CACNA2D3: variants seen among roughly 807,000 people sequenced by gnomAD.
The protein encoded by CACNA2D3 is voltage-dependent calcium channel subunit alpha-2/delta-3.
In CACNA2D3, 60 loss-of-function variants were observed where a neutral mutation model predicts 160.6. The ratio of observed to expected loss-of-function variants is 0.37; its 90% CI spans 0.30 to 0.46. The LOEUF is 0.46. Among genes scored for constraint, CACNA2D3 ranks in the 20% least tolerant of loss-of-function variants. The pLI, the probability that CACNA2D3 is intolerant of heterozygous loss-of-function variation, is 1.00. For missense variants in CACNA2D3, 1,205 were observed against 1,365.0 expected, an observed-to-expected ratio of 0.88 and a Z score of 1.85; for synonymous variants, 558 against 492.9, an observed-to-expected ratio of 1.13 and a Z score of -1.75.
At chr3:54,471,171 C>A (rs1030455269) in intron 4 of CACNA2D3, among the ~76,000 whole-genome samples, 1 of 152,156 alleles carries the variant, frequency 6.6e-6, no homozygotes, top group Non-Finnish European at 1.5e-5. Flanking sequence ...TAAAACACTC[C>A]TCAGCAAATG....
chr3:54,879,025 A>T lies in CACNA2D3; in HGVS notation c.1718A>T (p.Asn573Ile). ...TTTCTTTTATCATTTTAGTTGAGAAATGCTATGGTGAATCGAAAGACGGGG... is the reference window on the plus strand; with the variant it reads ...TTTCTTTTATCATTTTAGTTGAGAATTGCTATGGTGAATCGAAAGACGGGG... Reference protein sequence around the residue: ...EWEDRDDVLRNAMVNRKTGKF... With the variant: ...EWEDRDDVLRIAMVNRKTGKF... Residue 573 changes from asparagine (N) to isoleucine (I), a missense_variant, in exon 19 of 38, where the codon AAT becomes ATT. Coordinates refer to ENST00000474759, the MANE Select transcript of CACNA2D3 (RefSeq NM_018398.3). The T allele has an allele frequency of 6.2e-7, 1 of 1,600,674 alleles. No homozygotes were observed. Among genetic ancestry groups the T allele is most frequent in the Non-Finnish European group, 8.5e-7 (1 of 1,173,548 alleles).
At chr3:54,674,899 T>C (rs1417455267) in intron 11 of CACNA2D3, among the ~76,000 whole-genome samples, 1 of 152,076 alleles carries the variant, frequency 6.6e-6, no homozygotes, top group East Asian at 1.9e-4. Context: ...GACACCATTA[T>C]TGAGAGAGAT....
chr3:54,798,429 AG>A (rs1702915215), intron 13 of CACNA2D3, among the ~76,000 whole-genome samples: 1 of 152,094 alleles, frequency 6.6e-6, no homozygotes, highest in Admixed American at 6.6e-5. Flanking sequence ...CCAGCTACTC[AG>A]GAGGCTGAGG....
chr3:54,640,664 A>G (rs73068450), intron 10 of CACNA2D3, among the ~76,000 whole-genome samples: 1 of 152,352 alleles, frequency 6.6e-6, no homozygotes, highest in Non-Finnish European at 1.5e-5. Context: ...ACTAATATGT[A>G]AGTTTACATG....
rs138721132 is a variant in CACNA2D3 at position 54,290,245 on chromosome 3, G to A, written c.205-30197G>A. Among the ~76,000 whole-genome samples, 344 of 152,260 alleles carry A rather than the reference G, an allele frequency of 2.3e-3. 4 individuals carry two copies. Among genetic ancestry groups the A allele is most frequent in the African/African-American group, 7.2e-3 (298 of 41,546 alleles). ...CAAACAGCCCCATCAGAAAGTGGGCGAAGGATATGAACAGACCCTTCTGAA... is the reference window on the plus strand; with the variant it reads ...CAAACAGCCCCATCAGAAAGTGGGCAAAGGATATGAACAGACCCTTCTGAA... On this transcript the variant is annotated intron_variant, in intron 2 of 37. Transcript: ENST00000474759.
intron 5 of CACNA2D3, among the ~76,000 whole-genome samples, chr3:54,548,818 A>G (rs766907595): frequency 2.5e-4 from 38 of 152,188 alleles, no homozygotes; most frequent in Admixed American, 1.3e-4. Context: ...GCCGACTTCA[A>G]ATTCCCACTG....
intron 2 of CACNA2D3, among the ~76,000 whole-genome samples, chr3:54,126,511 A>G (rs1442658842): frequency 6.6e-6 from 1 of 152,234 alleles, no homozygotes; most frequent in East Asian, 1.9e-4. Context: ...TAGGTATTCA[A>G]TGCCAGATAG....
chr3:54,463,118 G>A (rs1575469412), intron 4 of CACNA2D3, among the ~76,000 whole-genome samples: 1 of 151,838 alleles, frequency 6.6e-6, no homozygotes, highest in Non-Finnish European at 1.5e-5. Context: ...CTCTCTTCTG[G>A]CTTGTAGAGT....
At chr3:54,124,730 A>G (rs555741876) in intron 2 of CACNA2D3, among the ~76,000 whole-genome samples, 72 of 152,344 alleles carry the variant, frequency 4.7e-4, no homozygotes, top group Middle Eastern at 3.4e-3. Flanking sequence ...GACAAAAGTT[A>G]TTATGGTTTA....
At chr3:54,589,356 C>CTCAAA in intron 9 of CACNA2D3, among the ~76,000 whole-genome samples, 1 of 152,132 alleles carries the variant, frequency 6.6e-6, no homozygotes, top group East Asian at 1.9e-4. Flanking sequence ...TTAACCTTGA[C>CTCAAA]TCAAACCTCA....
intron 3 of CACNA2D3, among the ~76,000 whole-genome samples, chr3:54,322,982 G>A (rs527761415): frequency 6.6e-6 from 1 of 152,084 alleles, no homozygotes; most frequent in Admixed American, 6.5e-5. Context: ...CTGTAATTAC[G>A]CTTGATGCTC....
intron 8 of CACNA2D3, among the ~76,000 whole-genome samples, chr3:54,576,375 C>T (rs1252630791): frequency 6.6e-6 from 1 of 152,138 alleles, no homozygotes; most frequent in African/African-American, 2.4e-5. Context: ...GGGTCTAGCC[C>T]ATTTGCATTG....
At chr3:55,062,725 T>G (rs972385159) in intron 35 of CACNA2D3, among the ~76,000 whole-genome samples, 2 of 152,186 alleles carry the variant, frequency 1.3e-5, no homozygotes, top group African/African-American at 4.8e-5. Context: ...CTTATTTGTT[T>G]TGTTTATGGC....
intron 27 of CACNA2D3, among the ~76,000 whole-genome samples, chr3:54,939,436 T>C (rs1184962484): frequency 1.3e-5 from 2 of 152,168 alleles, no homozygotes; most frequent in South Asian, 4.1e-4. Context: ...TCCCCTGGCA[T>C]GTGGAGAAAT....
At chr3:54,250,263 C>T (rs187253033) in intron 2 of CACNA2D3, among the ~76,000 whole-genome samples, 21 of 152,076 alleles carry the variant, frequency 1.4e-4, no homozygotes, top group East Asian at 3.9e-4. Context: ...TATTATCTAC[C>T]GGACAGTTGA....
intron 5 of CACNA2D3, among the ~76,000 whole-genome samples, chr3:54,529,379 A>G (rs1397883375): frequency 6.6e-6 from 1 of 152,150 alleles, no homozygotes; most frequent in Non-Finnish European, 1.5e-5. Context: ...GCCTCGGACA[A>G]GTCATTCTGG....
intron 3 of CACNA2D3, among the ~76,000 whole-genome samples, chr3:54,348,314 C>A (rs1410920721): frequency 2.6e-5 from 4 of 152,192 alleles, no homozygotes; most frequent in Non-Finnish European, 5.9e-5. Context: ...TTTTTGATTT[C>A]ACTGGCTGAT....
intron 35 of CACNA2D3, among the ~76,000 whole-genome samples, chr3:55,066,842 T>A (rs932093601): frequency 1.3e-5 from 2 of 152,186 alleles, no homozygotes; most frequent in African/African-American, 2.4e-5. Flanking sequence ...ATTTCCCTCC[T>A]CGCCTTTTTT....
chr3:55,048,053 CAA>C (rs1704101119), intron 35 of CACNA2D3, among the ~76,000 whole-genome samples: 1 of 145,270 alleles, frequency 6.9e-6, no homozygotes, highest in Non-Finnish European at 1.5e-5. Context: ...CTAACAGGGA[CAA>C]TTTGACTTCC....
Sources: allele counts gnomAD v4.1 joint callset (sites outside exome capture counted in the v4.1 genomes callset), GRCh38; gene constraint gnomAD v4.1.1; transcripts MANE v1.5; gene names NCBI Gene and HGNC (gene_info 2026-07-23, HGNC 2026-07-21).